The following ZDHHC13 variants were observed in gnomAD, a reference collection of about 807,000 sequenced individuals.
The protein encoded by ZDHHC13 is zDHHC palmitoyltransferase 13.
A neutral mutation model predicts 86.0 loss-of-function variants in ZDHHC13; 85 were observed. That is an observed-to-expected ratio of 0.99 (90% confidence interval 0.83 to 1.18). The LOEUF is 1.18. Among genes scored for constraint, ZDHHC13 ranks in the 50% most tolerant of loss-of-function variants. The pLI is 0.00. For missense variants in ZDHHC13, 711 were observed against 730.2 expected, an observed-to-expected ratio of 0.97 and a Z score of 0.30; for synonymous variants, 263 against 246.4, an observed-to-expected ratio of 1.07 and a Z score of -0.63.
intron 16 of ZDHHC13, among the ~76,000 whole-genome samples, chr11:19,173,821 G>A (rs1850287974): frequency 6.6e-6 from 1 of 152,186 alleles, no homozygotes; most frequent in African/African-American, 2.4e-5. Context: ...AGCCTTGAGA[G>A]ATGTGGGGCA....
intron 1 of ZDHHC13, among the ~76,000 whole-genome samples, chr11:19,140,988 C>T (rs769498077): frequency 5.3e-5 from 8 of 151,134 alleles, no homozygotes; most frequent in South Asian, 2.1e-4. Flanking sequence ...GTGGGTGCAG[C>T]GCACCGGCAT....
chr11:19,134,990 C>T (rs1418439090), intron 1 of ZDHHC13, among the ~76,000 whole-genome samples: 2 of 152,198 alleles, frequency 1.3e-5, no homozygotes, highest in South Asian at 4.1e-4. Flanking sequence ...TATGATCACA[C>T]TGCTGCACTC....
In ZDHHC13 at chr11:19,172,711, C is replaced by T; in HGVS notation, c.1633-12C>T. On this transcript the variant is annotated splice_polypyrimidine_tract_variant and intron_variant, in intron 15 of 16. Transcript: ENST00000446113. ...CACTGAATGTGTGCAACCTTCCACC[C>T]TTCTTTTTCAGATTGCCTTTCTGGG... The T allele has an allele frequency of 6.3e-7, 1 of 1,580,574 alleles. No homozygotes were observed. The highest frequency in any genetic ancestry group is 1.2e-5 in the South Asian group (1 of 85,836).
chr11:19,127,472 T>G (rs557732473), intron 1 of ZDHHC13, among the ~76,000 whole-genome samples: 44 of 152,330 alleles, frequency 2.9e-4, no homozygotes, highest in African/African-American at 1.1e-3. Context: ...CACTTATCAA[T>G]TTTTGCTTTT....
intron 1 of ZDHHC13, among the ~76,000 whole-genome samples, chr11:19,119,670 C>A (rs1056838432): frequency 1.3e-5 from 2 of 152,232 alleles, no homozygotes; most frequent in Non-Finnish European, 2.9e-5. Context: ...CAGCATTTAA[C>A]ACCATTTAAC....
chr11:19,146,313 G>A lies in ZDHHC13; in HGVS notation c.296+10G>A, dbSNP rs757513954. 30 of 1,602,236 alleles carry A rather than the reference G, an allele frequency of 1.9e-5. No individual in the cohort carries two copies. The highest frequency in any genetic ancestry group is 2.5e-5 in the Non-Finnish European group (30 of 1,176,668). On this transcript the variant is annotated intron_variant, in intron 3 of 16. Coordinates refer to ENST00000446113, the MANE Select transcript of ZDHHC13 (RefSeq NM_019028.3). ...GACTGGATCTTGTAAAGTAAGATGG[G>A]ATATGTGTGTTAATTGTGTATTTAT...
At chr11:19,138,608 C>A (rs1439512991) in intron 1 of ZDHHC13, among the ~76,000 whole-genome samples, 2 of 151,090 alleles carry the variant, frequency 1.3e-5, no homozygotes, top group Non-Finnish European at 1.5e-5. Flanking sequence ...GAGACACAAC[C>A]AAAAAAGAGA....
Position 19,117,195 on chromosome 11 carries a change from C to T in ZDHHC13, c.-55C>T. 6.5e-7 allele frequency: 1 copy of T among 1,527,266 alleles called. No homozygotes were observed. The highest frequency in any genetic ancestry group is 8.8e-7 in the Non-Finnish European group (1 of 1,139,734). 94.6% of individuals were successfully genotyped at this position (1,527,266 alleles called of 1,614,324 possible). A position where few individuals can be genotyped will look rare whatever the true frequency, so the allele number is the denominator to read the frequency against. ...AGGCGACCCAAGGCGGGCTGGCGGG[C>T]TGGCGGCAGTCGCTACTTGCCTAGT... On this transcript the variant is annotated 5_prime_UTR_variant, in exon 1 of 17. Coordinates refer to ENST00000446113, the MANE Select transcript of ZDHHC13 (RefSeq NM_019028.3). The surrounding 1 kb of genome is among the most constrained non-coding windows in gnomAD (Gnocchi z 4.2).
intron 14 of ZDHHC13, 23 bp downstream of exon 14, chr11:19,166,408 A>G (rs370486636): frequency 1.9e-6 from 3 of 1,550,786 alleles, no homozygotes; most frequent in Admixed American, 1.7e-5. Context: ...TTTTCTTACA[A>G]CAAGCACATA....
intron 1 of ZDHHC13, among the ~76,000 whole-genome samples, chr11:19,127,019 C>A (rs933545422): frequency 9.2e-5 from 14 of 152,120 alleles, no homozygotes; most frequent in Non-Finnish European, 1.5e-5. Flanking sequence ...GCTTTTAGCT[C>A]GTTGAGGAAT....
At chr11:19,171,716 G>C (rs190811360) in intron 15 of ZDHHC13, among the ~76,000 whole-genome samples, 1 of 152,050 alleles carries the variant, frequency 6.6e-6, no homozygotes, top group African/African-American at 2.4e-5. Context: ...CTTAGAATAA[G>C]TACAAGTATA....
Position 19,175,967 on chromosome 11 carries a change from GC to G in ZDHHC13, c.*8del. 6.3e-7 allele frequency: 1 copy of G among 1,593,456 alleles called. No individual in the cohort carries two copies. The highest frequency in any genetic ancestry group is 1.2e-5 in the South Asian group (1 of 85,712). ...GGTTCTTCGCTCAGTATGAAGAAAA[GC>G]AACCCAAAACTCTCAATCTGATTTG... On this transcript the variant is annotated 3_prime_UTR_variant, in exon 17 of 17. Coordinates refer to ENST00000446113, the MANE Select transcript of ZDHHC13 (RefSeq NM_019028.3).
At position 19,163,334 on chromosome 11, in the gene ZDHHC13, C is replaced by G; in HGVS notation, c.1140C>G (p.Phe380Leu). The G allele has an allele frequency of 1.3e-6, 2 of 1,596,918 alleles. No homozygotes were observed. Among genetic ancestry groups the G allele is most frequent in the Non-Finnish European group, 1.7e-6 (2 of 1,172,606 alleles). Reference sequence around the variant, plus strand: ...CAGGAGCCCCTTTCTATTTCAGTTTCATTTTCAGCATAGTAGCCTTTCTAT... The same window carrying G: ...CAGGAGCCCCTTTCTATTTCAGTTTGATTTTCAGCATAGTAGCCTTTCTAT... ...DLAGAPFYFSFIFSIVAFLYF... is the reference protein window; with the variant it reads ...DLAGAPFYFSLIFSIVAFLYF... The change falls in exon 11 of 17, where the codon TTC becomes TTG. Residue 380 changes from phenylalanine (F) to leucine (L), a missense_variant. Physicochemically the swap from Phe to Leu is conservative, Grantham distance 22. Transcript: ENST00000446113.
At chr11:19,141,588 G>A (rs1232506198) in intron 1 of ZDHHC13, among the ~76,000 whole-genome samples, 5 of 151,410 alleles carry the variant, frequency 3.3e-5, no homozygotes, top group Admixed American at 1.3e-4. Context: ...AAGTGATAAT[G>A]AACCCAAAAG....
At position 19,152,694 on chromosome 11, in the gene ZDHHC13, T is replaced by C; in HGVS notation, c.873+10T>C. ...GCTGCAGAAATGCGAGGTATTTTCA[T>C]ATGGGGTCTTTTCTATGGGATAGAT... is the stretch of plus-strand genomic sequence containing the variant. On this transcript the variant is annotated intron_variant, in intron 8 of 16. Transcript: ENST00000446113. 2 of 1,612,718 alleles carry C rather than the reference T, an allele frequency of 1.2e-6. No homozygotes were observed. The highest frequency in any genetic ancestry group is 1.7e-6 in the Non-Finnish European group (2 of 1,178,948).
At chr11:19,173,559 A>G (rs2133489111) in intron 16 of ZDHHC13, among the ~76,000 whole-genome samples, 1 of 152,256 alleles carries the variant, frequency 6.6e-6, no homozygotes, top group South Asian at 2.1e-4. Flanking sequence ...ACAAGATGAA[A>G]CTGTTAGGCT....
At chr11:19,174,435 T>C (rs943013673) in intron 16 of ZDHHC13, among the ~76,000 whole-genome samples, 1 of 152,204 alleles carries the variant, frequency 6.6e-6, no homozygotes, top group Non-Finnish European at 1.5e-5. Flanking sequence ...CAACTCCACA[T>C]AGCCTTCTTC....
chr11:19,167,034 A>G (rs1402191184), intron 14 of ZDHHC13: 3 of 152,270 alleles, frequency 2.0e-5, no homozygotes, highest in Non-Finnish European at 4.4e-5. Context: ...TTGAACCAAG[A>G]AAGATTTTGG....
At chr11:19,165,679 T>C (rs1350365879) in intron 13 of ZDHHC13, among the ~76,000 whole-genome samples, 1 of 152,210 alleles carries the variant, frequency 6.6e-6, no homozygotes, top group Admixed American at 6.5e-5. Flanking sequence ...TGCCACTCTT[T>C]GCATGTCCAG....
Sources: gnomAD v4.1 joint callset for allele counts (sites outside exome capture counted in the v4.1 genomes callset) on GRCh38, gnomAD v4.1.1 for gene constraint, Gnocchi (gnomAD v3.1) non-coding constraint, MANE v1.5 for transcripts, NCBI Gene and HGNC (gene_info 2026-07-23, HGNC 2026-07-21) for gene names.